The following TCF7L2 variants were observed in gnomAD, a reference collection of about 807,000 sequenced individuals.
The protein encoded by TCF7L2 is transcription factor 7-like 2.
A neutral mutation model predicts 77.9 loss-of-function variants in TCF7L2; 23 were observed. That is an observed-to-expected ratio of 0.30 (90% CI 0.21 to 0.42). TCF7L2 has a LOEUF of 0.42. Ranked by LOEUF, TCF7L2 falls within the 10% of genes least tolerant of loss-of-function variation. The probability of loss-of-function intolerance (pLI) is 1.00; values close to 1 mark genes in which losing one functional copy is unlikely to be tolerated. For missense variants in TCF7L2, 654 were observed against 793.1 expected, an observed-to-expected ratio of 0.82 and a Z score of 2.11; for synonymous variants, 413 against 340.2, an observed-to-expected ratio of 1.21 and a Z score of -2.36.
chr10:112,982,066 C>T (rs915295561), intron 4 of TCF7L2, among the ~76,000 whole-genome samples: 1 of 152,214 alleles, frequency 6.6e-6, no homozygotes, highest in Non-Finnish European at 1.5e-5. Flanking sequence ...TCTAGATGAA[C>T]TTGTGATCGA....
chr10:113,016,895 A>T (rs2133775401), intron 4 of TCF7L2, among the ~76,000 whole-genome samples: 1 of 152,260 alleles, frequency 6.6e-6, no homozygotes, highest in Admixed American at 6.5e-5. Context: ...TGCCCCTGGC[A>T]GCTTCTGCTG....
At chr10:113,154,717 A>G (rs577726024) in intron 11 of TCF7L2, among the ~76,000 whole-genome samples, 21 of 152,298 alleles carry the variant, frequency 1.4e-4, no homozygotes, top group Admixed American at 3.9e-4. Context: ...AAATGACTTT[A>G]GCTCAGTTTT....
chr10:113,088,801 T>C (rs1591536571), intron 5 of TCF7L2, among the ~76,000 whole-genome samples: 1 of 145,392 alleles, frequency 6.9e-6, no homozygotes, highest in African/African-American at 2.8e-5. Flanking sequence ...CACAAAAAAA[T>C]AAAATAAAAA....
rs1029701363 is a variant in TCF7L2 at position 113,006,160 on chromosome 10, G to A, written c.451-33865G>A. 2.0e-5 allele frequency among the ~76,000 whole-genome samples: 3 copies of A among 152,066 alleles called. No individual in the cohort carries two copies. In the South Asian group the frequency reaches 6.2e-4, roughly 32 times the overall value. ...AAATAAAATGGAACTTGGGAGAGGCGGCAACTTGGGAAACAGCACATTCTG... is the reference window on the plus strand; with the variant it reads ...AAATAAAATGGAACTTGGGAGAGGCAGCAACTTGGGAAACAGCACATTCTG... On this transcript the variant is annotated intron_variant, in intron 4 of 13. Transcript: ENST00000627217.
rs1564916404 is a variant in TCF7L2, at chr10:113,117,414, TCTCTCTCTCTCTCTCTCTCC to T, written c.553-23750_553-23731del. On this transcript the variant is annotated intron_variant, in intron 5 of 13. Transcript: ENST00000627217. ...CTCTCTCTCTCTCTCTCTCTCTCTCTCTCTCTCTCTCTCTCTCTCCCTCTCTCTCTCTCTCTCTCTCTCTT... is the reference window on the plus strand; with the variant it reads ...CTCTCTCTCTCTCTCTCTCTCTCTCTCTCTCTCTCTCTCTCTCTCTCTCTT... Among the ~76,000 whole-genome samples, 212 of 41,400 alleles carry T rather than the reference TCTCTCTCTCTCTCTCTCTCC, an allele frequency of 5.1e-3. 17 individuals carry two copies. The highest frequency in any genetic ancestry group is 0.018 in the East Asian group (42 of 2,358). 27.2% of individuals were successfully genotyped at this position (41,400 alleles called of 152,430 possible). A position where few individuals can be genotyped will look rare whatever the true frequency, so the allele number is the denominator to read the frequency against.
At chr10:113,016,631 A>G (rs761875429) in intron 4 of TCF7L2, among the ~76,000 whole-genome samples, 2 of 151,964 alleles carry the variant, frequency 1.3e-5, no homozygotes, top group African/African-American at 2.4e-5. Flanking sequence ...CCCTTCCTTC[A>G]TCCCAGCTGA....
rs148197855 is a variant in TCF7L2, at chr10:112,981,061, A to G, written c.450+16437A>G. ...AAAGGAAGATTTGAAAGTGTCCCTA[A>G]GCTAAGAACATTCTTACCAAACCAC... On this transcript the variant is annotated intron_variant, in intron 4 of 13. Coordinates refer to ENST00000627217, the MANE Select transcript of TCF7L2 (RefSeq NM_001146274.2). Among the ~76,000 whole-genome samples the G allele has an allele frequency of 4.5e-3, 687 of 152,352 alleles. 8 individuals carry two copies. Among genetic ancestry groups the G allele is most frequent in the South Asian group, 0.026 (127 of 4,824 alleles).
At chr10:113,131,072 A>C (rs1004657069) in intron 5 of TCF7L2, among the ~76,000 whole-genome samples, 2 of 152,104 alleles carry the variant, frequency 1.3e-5, no homozygotes, top group African/African-American at 4.8e-5. Flanking sequence ...GGCCGGAGTG[A>C]TTATCTTTTG....
intron 4 of TCF7L2, among the ~76,000 whole-genome samples, chr10:112,965,380 C>T (rs1165101154): frequency 6.6e-6 from 1 of 152,196 alleles, no homozygotes; most frequent in Non-Finnish European, 1.5e-5. Context: ...ATACGATTTT[C>T]GTCTGTCTGC....
At chr10:113,026,868 TA>T (rs2049274007) in intron 4 of TCF7L2, among the ~76,000 whole-genome samples, 1 of 152,206 alleles carries the variant, frequency 6.6e-6, no homozygotes, top group Non-Finnish European at 1.5e-5. Context: ...GGGGAGGGAA[TA>T]CCCAAACTCG....
At chr10:112,961,764 G>C (rs2035290572) in intron 3 of TCF7L2, among the ~76,000 whole-genome samples, 1 of 151,658 alleles carries the variant, frequency 6.6e-6, no homozygotes, top group South Asian at 2.1e-4. Flanking sequence ...TGCTTGTGCT[G>C]GGTGTGTTTG....
chr10:112,982,271 A>G (rs1169637422), intron 4 of TCF7L2, among the ~76,000 whole-genome samples: 1 of 152,066 alleles, frequency 6.6e-6, no homozygotes, highest in African/African-American at 2.4e-5. Context: ...TTAATTGGGC[A>G]GGTTACTTAA....
At chr10:113,108,855 C>T (rs1281029223) in intron 5 of TCF7L2, among the ~76,000 whole-genome samples, 1 of 152,218 alleles carries the variant, frequency 6.6e-6, no homozygotes. Context: ...TTCTCCCATT[C>T]CCTGCCGGTG....
At chr10:113,160,737 C>T (rs2137472371) in intron 13 of TCF7L2, 1 of 1,510,994 alleles carries the variant, frequency 6.6e-7, no homozygotes, top group Non-Finnish European at 9.0e-7. Context: ...AGCATTCTGT[C>T]CTTCCGGTAC....
intron 5 of TCF7L2, among the ~76,000 whole-genome samples, chr10:113,109,754 G>A (rs1268596109): frequency 6.6e-6 from 1 of 152,218 alleles, no homozygotes; most frequent in Non-Finnish European, 1.5e-5. Context: ...CTGACATCTG[G>A]TGTTCAAGAG....
At chr10:112,959,695 G>A (rs1025988354) in intron 3 of TCF7L2, among the ~76,000 whole-genome samples, 1 of 152,076 alleles carries the variant, frequency 6.6e-6, no homozygotes, top group Non-Finnish European at 1.5e-5. Flanking sequence ...CTTTTTATAA[G>A]GGCAGGCAGT....
chr10:113,135,700 T>A (rs538637420), intron 5 of TCF7L2, among the ~76,000 whole-genome samples: 1 of 152,326 alleles, frequency 6.6e-6, no homozygotes, highest in East Asian at 1.9e-4. Flanking sequence ...CTATTAAATG[T>A]CTTTACCCCT....
At chr10:112,987,882 GA>G (rs1554899798) in intron 4 of TCF7L2, 2 of 151,350 alleles carry the variant, frequency 1.3e-5, no homozygotes, top group African/African-American at 2.5e-5. Flanking sequence ...ATACACCCAT[GA>G]AAAAATAAAT....
intron 4 of TCF7L2, among the ~76,000 whole-genome samples, chr10:113,025,887 T>TA (rs1001922067): frequency 2.0e-5 from 3 of 151,948 alleles, no homozygotes; most frequent in Non-Finnish European, 4.4e-5. Flanking sequence ...TTAATTTTTT[T>TA]TTTTTTTTTA....
Sources: gnomAD v4.1 joint callset for allele counts (sites outside exome capture counted in the v4.1 genomes callset) on GRCh38, gnomAD v4.1.1 for gene constraint, MANE v1.5 for transcripts, NCBI Gene and HGNC (gene_info 2026-07-23, HGNC 2026-07-21) for gene names.